Variants in UBE2E2 observed in about 807,000 individuals in gnomAD.
UBE2E2 encodes the protein ubiquitin conjugating enzyme E2 E2.
A neutral mutation model predicts 24.7 loss-of-function variants in UBE2E2; 6 were observed. That is an observed-to-expected ratio of 0.24 (90% CI 0.13 to 0.48). The LOEUF is 0.48. Ranked by LOEUF, UBE2E2 falls within the 20% of genes least tolerant of loss-of-function variation. The pLI is 0.99. For missense variants in UBE2E2, 169 were observed against 245.0 expected (o/e 0.69, Z 2.07); for synonymous variants, 104 against 83.6 (o/e 1.24, Z -1.33).
chr3:23,247,777 A>G (rs1413278400), intron 3 of UBE2E2, among the ~76,000 whole-genome samples: 3 of 152,186 alleles, frequency 2.0e-5, no homozygotes, highest in Non-Finnish European at 4.4e-5. Context: ...ACTCTACCCC[A>G]GAAATTGCTT....
chr3:23,237,490 T>C (rs1279795998), intron 3 of UBE2E2, among the ~76,000 whole-genome samples: 1 of 152,172 alleles, frequency 6.6e-6, no homozygotes, highest in African/African-American at 2.4e-5. Flanking sequence ...CATCTGTTTG[T>C]AGAAGCCTCA....
chr3:23,294,878 A>G (rs1698868935), intron 3 of UBE2E2, among the ~76,000 whole-genome samples: 2 of 151,876 alleles, frequency 1.3e-5, no homozygotes, highest in Non-Finnish European at 2.9e-5. Flanking sequence ...ATAATGATGC[A>G]GGTAATTATT....
chr3:23,424,130 T>C (rs1697868655), intron 3 of UBE2E2, among the ~76,000 whole-genome samples: 1 of 152,236 alleles, frequency 6.6e-6, no homozygotes, highest in South Asian at 2.1e-4. Context: ...TCCACAGTTA[T>C]TTATTCTCTC....
intron 3 of UBE2E2, among the ~76,000 whole-genome samples, chr3:23,334,908 A>T (rs535156333): frequency 6.6e-6 from 1 of 151,908 alleles, no homozygotes; most frequent in Admixed American, 6.6e-5. Context: ...AAATTCAGCT[A>T]TTTTTTTTCT....
At chr3:23,496,254 A>G (rs767978609) in intron 3 of UBE2E2, among the ~76,000 whole-genome samples, 26 of 152,160 alleles carry the variant, frequency 1.7e-4, no homozygotes, top group Non-Finnish European at 2.9e-5. Context: ...TTTTCTTAAT[A>G]TAAGAATTTG....
At chr3:23,355,543 G>T (rs1263845984) in intron 3 of UBE2E2, among the ~76,000 whole-genome samples, 1 of 152,152 alleles carries the variant, frequency 6.6e-6, no homozygotes, top group Non-Finnish European at 1.5e-5. Flanking sequence ...AAATGACACG[G>T]TTGATTTTTT....
chr3:23,239,612 A>G lies in UBE2E2; in HGVS notation c.227+22300A>G, dbSNP rs190894496. 3.0e-3 allele frequency among the ~76,000 whole-genome samples: 456 copies of G among 152,308 alleles called. 2 individuals are homozygous for G. Among genetic ancestry groups the G allele is most frequent in the Non-Finnish European group, 4.7e-3 (320 of 68,012 alleles). ...TATAATAAAAAAGGCTAGGCAAATA[A>G]TTGAGTGGAGGTTGGGAGGTTTAAG... is the stretch of plus-strand genomic sequence containing the variant. On this transcript the variant is annotated intron_variant, in intron 3 of 5. Coordinates refer to ENST00000396703, the MANE Select transcript of UBE2E2 (RefSeq NM_152653.4).
chr3:23,304,315 A>G (rs951034908), intron 3 of UBE2E2, among the ~76,000 whole-genome samples: 1 of 152,214 alleles, frequency 6.6e-6, no homozygotes, highest in Non-Finnish European at 1.5e-5. Flanking sequence ...TTTCCACATT[A>G]TTAAAATTAG....
At chr3:23,250,751 G>A (rs1363214863) in intron 3 of UBE2E2, among the ~76,000 whole-genome samples, 1 of 152,130 alleles carries the variant, frequency 6.6e-6, no homozygotes, top group African/African-American at 2.4e-5. Context: ...GAGTTTTTCT[G>A]TTTGCTTTGG....
At chr3:23,362,415 C>T (rs1229255817) in intron 3 of UBE2E2, among the ~76,000 whole-genome samples, 3 of 152,138 alleles carry the variant, frequency 2.0e-5, no homozygotes, top group African/African-American at 7.2e-5. Flanking sequence ...TGGAGCAGAC[C>T]AACACTGGCA....
chr3:23,293,516 T>TA (rs1435565294), intron 3 of UBE2E2, among the ~76,000 whole-genome samples: 1 of 152,192 alleles, frequency 6.6e-6, no homozygotes, highest in South Asian at 2.1e-4. Context: ...AATACGGTCT[T>TA]ACGTTAAAAA....
intron 3 of UBE2E2, among the ~76,000 whole-genome samples, chr3:23,246,896 G>GA (rs1349480544): frequency 1.3e-5 from 2 of 151,846 alleles, no homozygotes. Flanking sequence ...GACTTAAAAA[G>GA]AAAAAAATAG....
intron 3 of UBE2E2, among the ~76,000 whole-genome samples, chr3:23,459,691 G>A (rs768527434): frequency 8.6e-5 from 13 of 152,020 alleles, no homozygotes; most frequent in Admixed American, 2.0e-4. Context: ...TTCATGCCTC[G>A]GGACATATTA....
chr3:23,433,732 T>G (rs2125402656), intron 3 of UBE2E2, among the ~76,000 whole-genome samples: 1 of 151,926 alleles, frequency 6.6e-6, no homozygotes, highest in African/African-American at 2.4e-5. Context: ...GAAAGACAAA[T>G]TTAACAGAAT....
At chr3:23,579,847 G>C (rs893757239) in intron 5 of UBE2E2, among the ~76,000 whole-genome samples, 3 of 152,196 alleles carry the variant, frequency 2.0e-5, no homozygotes, top group Non-Finnish European at 4.4e-5. Context: ...TGTGATTCAT[G>C]GGAGGAGGTC....
chr3:23,209,609 C>T (rs756374918), intron 2 of UBE2E2, among the ~76,000 whole-genome samples: 6 of 152,118 alleles, frequency 3.9e-5, no homozygotes, highest in Non-Finnish European at 8.8e-5. Flanking sequence ...TTGACCAAGT[C>T]GGAAGTATAC....
At chr3:23,371,942 A>G (rs1371981596) in intron 3 of UBE2E2, among the ~76,000 whole-genome samples, 1 of 151,938 alleles carries the variant, frequency 6.6e-6, no homozygotes, top group Non-Finnish European at 1.5e-5. Flanking sequence ...ACATGGTGAA[A>G]TCCTGTCTCT....
intron 3 of UBE2E2, among the ~76,000 whole-genome samples, chr3:23,327,087 G>C (rs1365576631): frequency 6.6e-6 from 1 of 152,104 alleles, no homozygotes; most frequent in African/African-American, 2.4e-5. Context: ...TGGACATTTG[G>C]GTTGGTTCCA....
intron 3 of UBE2E2, among the ~76,000 whole-genome samples, chr3:23,317,503 C>T (rs1200415336): frequency 6.6e-6 from 1 of 152,214 alleles, no homozygotes; most frequent in Non-Finnish European, 1.5e-5. Flanking sequence ...CTGATAATAA[C>T]ATACCGGAGA....
Sources: gnomAD v4.1 joint callset for allele counts (sites outside exome capture counted in the v4.1 genomes callset) on GRCh38, gnomAD v4.1.1 for gene constraint, MANE v1.5 for transcripts, NCBI Gene and HGNC (gene_info 2026-07-23, HGNC 2026-07-21) for gene names.